Variants in ASTN2 observed in about 807,000 individuals in gnomAD.
ASTN2 encodes astrotactin-2.
A neutral mutation model predicts 139.8 loss-of-function variants in ASTN2; 54 were observed. That is an observed-to-expected ratio of 0.39 (90% CI 0.31 to 0.48). ASTN2 has a LOEUF of 0.48. Ranked by LOEUF, ASTN2 falls within the 20% of genes least tolerant of loss-of-function variation. The pLI is 0.95. For synonymous variants in ASTN2, 756 were observed against 719.5 expected, an observed-to-expected ratio of 1.05 and a Z score of -0.81; for missense variants, 1,565 against 1,725.1, an observed-to-expected ratio of 0.91 and a Z score of 1.64.
At chr9:116,455,978 C>T (rs1445440610) in intron 20 of ASTN2, among the ~76,000 whole-genome samples, 1 of 152,068 alleles carries the variant, frequency 6.6e-6, no homozygotes, top group Non-Finnish European at 1.5e-5. Flanking sequence ...TGCCCACTCT[C>T]ATCACTGTTA....
At chr9:116,632,613 T>C (rs1856863038) in intron 17 of ASTN2, among the ~76,000 whole-genome samples, 5 of 152,178 alleles carry the variant, frequency 3.3e-5, no homozygotes, top group Admixed American at 3.3e-4. Context: ...CATTGAACCC[T>C]TTGTCATGGA....
chr9:116,593,409 C>T (rs1345317562), intron 19 of ASTN2, among the ~76,000 whole-genome samples: 2 of 152,190 alleles, frequency 1.3e-5, no homozygotes, highest in African/African-American at 4.8e-5. Flanking sequence ...ATGCTAATGC[C>T]ATTCTCCACA....
intron 19 of ASTN2, among the ~76,000 whole-genome samples, chr9:116,558,923 G>C (rs4837621): frequency 7.9e-5 from 12 of 152,040 alleles, no homozygotes; most frequent in Non-Finnish European, 1.2e-4. Flanking sequence ...GCTCATTCTC[G>C]TTCATTTAAT....
chr9:116,586,614 G>C (rs546029743), intron 19 of ASTN2, among the ~76,000 whole-genome samples: 2 of 152,112 alleles, frequency 1.3e-5, no homozygotes, highest in African/African-American at 4.8e-5. Flanking sequence ...CATAAAGATA[G>C]CAACAATAGA....
At chr9:116,538,682 C>T (rs556745810) in intron 19 of ASTN2, among the ~76,000 whole-genome samples, 1 of 152,272 alleles carries the variant, frequency 6.6e-6, no homozygotes, top group South Asian at 2.1e-4. Context: ...TTCTAAAATG[C>T]ACAATTTTTG....
intron 4 of ASTN2, among the ~76,000 whole-genome samples, chr9:117,123,911 G>A (rs770381956): frequency 1.3e-4 from 20 of 152,226 alleles, no homozygotes; most frequent in Admixed American, 5.2e-4. Flanking sequence ...TCATCTCTGC[G>A]ACATGCCTGT....
intron 1 of ASTN2, among the ~76,000 whole-genome samples, chr9:117,329,758 A>G (rs1828642134): frequency 6.6e-6 from 1 of 152,198 alleles, no homozygotes; most frequent in South Asian, 2.1e-4. Flanking sequence ...CAGAGCCCAG[A>G]AAAGATAGAC....
At chr9:116,516,861 C>T (rs986426257) in intron 19 of ASTN2, among the ~76,000 whole-genome samples, 1 of 152,166 alleles carries the variant, frequency 6.6e-6, no homozygotes, top group Non-Finnish European at 1.5e-5. Flanking sequence ...CCCTACTTCC[C>T]TGGTGACCTG....
chr9:116,855,778 T>G (rs932532841), intron 11 of ASTN2, among the ~76,000 whole-genome samples: 2 of 152,176 alleles, frequency 1.3e-5, no homozygotes, highest in African/African-American at 4.8e-5. Context: ...TCTGACTCTA[T>G]TTCCTCATGG....
intron 10 of ASTN2, among the ~76,000 whole-genome samples, chr9:116,918,230 T>A (rs1295511227): frequency 1.3e-5 from 2 of 152,146 alleles, no homozygotes; most frequent in African/African-American, 4.8e-5. Flanking sequence ...ACCCCATACC[T>A]GTGTGGATGG....
intron 2 of ASTN2, among the ~76,000 whole-genome samples, chr9:117,283,389 A>T (rs1834372120): frequency 6.6e-6 from 1 of 152,160 alleles, no homozygotes; most frequent in African/African-American, 2.4e-5. Flanking sequence ...TATTTTTTAA[A>T]GTCTATACTT....
intron 17 of ASTN2, among the ~76,000 whole-genome samples, chr9:116,639,034 C>T (rs1234949200): frequency 6.6e-6 from 1 of 152,092 alleles, no homozygotes; most frequent in East Asian, 1.9e-4. Flanking sequence ...GAGGAGGTAA[C>T]ACAGGATTAA....
intron 13 of ASTN2, among the ~76,000 whole-genome samples, chr9:116,783,296 TCCTC>T (rs940082278): frequency 8.2e-4 from 17 of 20,708 alleles, no homozygotes; most frequent in African/African-American, 1.6e-3. Flanking sequence ...CTTCCTTCCT[TCCTC>T]CCTCCCTCCC....
At chr9:117,319,267 C>G (rs1828243695) in intron 1 of ASTN2, among the ~76,000 whole-genome samples, 1 of 152,122 alleles carries the variant, frequency 6.6e-6, no homozygotes. Flanking sequence ...CCAATTCTTC[C>G]TCCCAGCAGC....
chr9:116,599,684 C>T (rs1002282053), intron 19 of ASTN2, among the ~76,000 whole-genome samples: 5 of 152,166 alleles, frequency 3.3e-5, no homozygotes, highest in African/African-American at 9.6e-5. Context: ...AGTGGAAATA[C>T]ACAAGGTGCC....
intron 14 of ASTN2, among the ~76,000 whole-genome samples, chr9:116,731,689 G>T (rs1230452088): frequency 6.6e-6 from 1 of 152,176 alleles, no homozygotes; most frequent in Non-Finnish European, 1.5e-5. Flanking sequence ...CTCCCAAAGT[G>T]TGGGGATTAC....
intron 1 of ASTN2, among the ~76,000 whole-genome samples, chr9:117,329,794 T>C (rs1828643153): frequency 6.6e-6 from 1 of 152,192 alleles, no homozygotes; most frequent in Non-Finnish European, 1.5e-5. Context: ...AGCTACCATT[T>C]ATTGTTTACT....
chr9:116,546,526 C>T (rs998229649), intron 19 of ASTN2: 1 of 152,176 alleles, frequency 6.6e-6, no homozygotes, highest in Non-Finnish European at 1.5e-5. Flanking sequence ...AAGAGATAGG[C>T]ATGGGTCTGA....
intron 6 of ASTN2, among the ~76,000 whole-genome samples, chr9:117,029,381 A>G (rs1793219898): frequency 6.6e-6 from 1 of 152,148 alleles, no homozygotes; most frequent in African/African-American, 2.4e-5. Flanking sequence ...GCAATCATCC[A>G]TTGCCCTTCT....
Sources: allele counts gnomAD v4.1 joint callset (sites outside exome capture counted in the v4.1 genomes callset), GRCh38; gene constraint gnomAD v4.1.1; transcripts MANE v1.5; gene names NCBI Gene and HGNC (gene_info 2026-07-23, HGNC 2026-07-21).